Variants in USP54 observed in about 807,000 individuals in gnomAD.
USP54 encodes the protein ubiquitin carboxyl-terminal hydrolase 54.
In USP54, 87 loss-of-function variants were observed where a neutral mutation model predicts 170.5. That is an observed-to-expected ratio of 0.51 (90% CI 0.43 to 0.61). The LOEUF (loss-of-function observed/expected upper bound fraction) is 0.61. Ranked by LOEUF, USP54 falls within the 20% of genes least tolerant of loss-of-function variation. The pLI is 0.00. For missense variants in USP54, 1,786 were observed against 2,047.8 expected (o/e 0.87, Z 2.47); for synonymous variants, 655 against 742.8 (o/e 0.88, Z 1.92).
Position 73,539,687 on chromosome 10 carries a change from T to C in USP54, c.826-94A>G, listed in dbSNP as rs560428295. On this transcript the variant is annotated intron_variant, in intron 9 of 23. Transcript: ENST00000687698. ...CTCCACCAGCATTTCTTAAGTAAGG[T>C]ACTGACTTGCTTCTCTTCCCTTCAG... 12 of 1,338,798 alleles carry C rather than the reference T, an allele frequency of 9.0e-6. No individual in the cohort carries two copies. In the South Asian group the frequency reaches 2.0e-4, roughly 22 times the overall value. 82.9% of individuals were successfully genotyped at this position (1,338,798 alleles called of 1,614,324 possible).
At chr10:73,560,204 T>C (rs2072501709) in intron 4 of USP54, among the ~76,000 whole-genome samples, 1 of 152,090 alleles carries the variant, frequency 6.6e-6, no homozygotes, top group Non-Finnish European at 1.5e-5. Context: ...CAAGATAACA[T>C]GTAACTTAAC....
At chr10:73,621,368 G>A (rs1564971813) in intron 1 of USP54, among the ~76,000 whole-genome samples, 1 of 148,748 alleles carries the variant, frequency 6.7e-6, no homozygotes, top group Non-Finnish European at 1.5e-5. Flanking sequence ...TTGGGAGGCC[G>A]AGACGGGAAG....
chr10:73,520,176 T>C (rs2133312468), intron 18 of USP54, 184 bp from the exon 19 acceptor site: 8 of 815,312 alleles, frequency 9.8e-6, no homozygotes, highest in South Asian at 1.9e-5. Context: ...ATAAGGAACA[T>C]TGATGGAAGC....
intron 1 of USP54, among the ~76,000 whole-genome samples, chr10:73,617,018 CT>C (rs2080697837): frequency 6.6e-6 from 1 of 150,678 alleles, no homozygotes; most frequent in South Asian, 2.1e-4. Flanking sequence ...AGATGTTAGG[CT>C]GGGCACAGTG....
At chr10:73,624,174 ATATATATATATATATATATATG>A (rs1449212149) in intron 1 of USP54, among the ~76,000 whole-genome samples, 1 of 111,866 alleles carries the variant, frequency 8.9e-6, no homozygotes, top group Non-Finnish European at 1.9e-5. Context: ...ATATATATAT[ATATATATATATATATATATATG>A]TATTTTTTTT....
At position 73,534,658 on chromosome 10, in the gene USP54, C is replaced by T; in HGVS notation, c.1257G>A (p.Gln419=). 1.2e-6 allele frequency: 2 copies of T among 1,614,166 alleles called. No homozygotes were observed. The highest frequency in any genetic ancestry group is 1.7e-6 in the Non-Finnish European group (2 of 1,180,010). ...SVVSHFSSDS[Q]GTVIYNVEND... ...TTTCCACATTATAGATGACTGTCCC[C>T]TGAGAATCAGAAGAGAAGTGACTGA... The change falls in exon 12 of 24, where the codon CAG becomes CAA. Residue 419 remains glutamine, a synonymous_variant. Transcript: ENST00000687698.
rs2076008833 is a variant in USP54, at chr10:73,575,592, T to C, written c.67A>G (p.Ser23Gly). ...TTGCTGGGGGCTATGGAGGTTGAGC[T>C]TCGAGGTGCAAACATCCCTTGTACA... ...GSVQGMFAPR[S>G]STSIAPSKGL... The change falls in exon 3 of 24, where the codon AGC becomes GGC. Residue 23 changes from serine to glycine, a missense_variant. Ser to Gly is a moderately conservative substitution (Grantham distance 56). Coordinates refer to ENST00000687698, the MANE Select transcript of USP54 (RefSeq NM_001391956.1). The C allele has an allele frequency of 1.2e-6, 2 of 1,613,868 alleles. No homozygotes were observed. The highest frequency in any genetic ancestry group is 1.3e-5 in the African/African-American group (1 of 74,870).
intron 16 of USP54, 129 bp from the exon 17 acceptor site, chr10:73,523,879 AT>A (rs5786111): frequency 0.59 from 100,454 of 170,458 alleles, 31,692 homozygotes; most frequent in African/African-American, 0.77. Context: ...TTTATTTATT[AT>A]TTATTATTAT....
At chr10:73,543,645 C>T (rs757450374) in intron 5 of USP54, among the ~76,000 whole-genome samples, 2 of 152,026 alleles carry the variant, frequency 1.3e-5, no homozygotes, top group African/African-American at 4.8e-5. Context: ...GGATTACAGG[C>T]GTGAGCCACC....
intron 1 of USP54, among the ~76,000 whole-genome samples, chr10:73,588,499 C>T (rs1167360835): frequency 6.6e-6 from 1 of 152,268 alleles, no homozygotes; most frequent in African/African-American, 2.4e-5. Context: ...GCTGCGATTA[C>T]AGGCGTGAGC....
At chr10:73,589,134 C>T (rs1008225414) in intron 1 of USP54, among the ~76,000 whole-genome samples, 7 of 152,210 alleles carry the variant, frequency 4.6e-5, no homozygotes, top group Non-Finnish European at 7.3e-5. Flanking sequence ...TCAACAAATG[C>T]TCATTCCTTG....
At position 73,519,734 on chromosome 10, in the gene USP54, C is replaced by G. The variant is rs115046819; in HGVS notation, c.2678+63G>C. On this transcript the variant is annotated intron_variant, in intron 19 of 23. Transcript: ENST00000687698. ...GCCAAGACAATGAGAGCTCTTGCTA[C>G]AGAATACTCATGGTCATTTCTTCCC... The G allele has an allele frequency of 6.4e-4, 1,025 of 1,603,542 alleles. 9 individuals carry two copies. The African/African-American group carries it at 0.012, about 19-fold the overall frequency.
intron 1 of USP54, among the ~76,000 whole-genome samples, chr10:73,596,711 A>G (rs2078762902): frequency 9.8e-6 from 1 of 102,046 alleles, no homozygotes; most frequent in Admixed American, 1.4e-4. Context: ...ACAGAGTGAG[A>G]TCCTGTCTCA....
chr10:73,584,643 CT>C (rs1589304136), intron 1 of USP54, among the ~76,000 whole-genome samples: 2 of 151,708 alleles, frequency 1.3e-5, no homozygotes, highest in East Asian at 3.9e-4. Flanking sequence ...GATTTTTTTC[CT>C]TTTTTCTATT....
chr10:73,577,356 T>A (rs536425093), intron 1 of USP54, among the ~76,000 whole-genome samples: 6 of 152,340 alleles, frequency 3.9e-5, no homozygotes, highest in Admixed American at 6.5e-5. Flanking sequence ...TACAGGAATA[T>A]TAAATGGTTG....
At chr10:73,595,854 A>G (rs2078682441), upstream of USP54, among the ~76,000 whole-genome samples, 1 of 152,222 alleles carries the variant, frequency 6.6e-6, no homozygotes, top group African/African-American at 2.4e-5. Flanking sequence ...TCACGCCTGT[A>G]ATCCCAACAC....
chr10:73,529,725 G>C lies in USP54; in HGVS notation c.2015C>G (p.Pro672Arg). ...AGGCAGGGCTGCATCCAGGCTGACA[G>C]GGCTGCTGCTGTTCCTCTCACTGCT... The part of the protein sequence containing the change: ...YESSERNSSS[P>R]VSLDAALPES... Residue 672 changes from proline to arginine, a missense_variant, in exon 15 of 24, where the codon CCT (proline) becomes CGT (arginine). Transcript: ENST00000687698. 6.2e-7 allele frequency: 1 copy of C among 1,614,000 alleles called. No homozygotes were observed. The highest frequency in any genetic ancestry group is 8.5e-7 in the Non-Finnish European group (1 of 1,179,852).
At chr10:73,530,040 G>C (rs779580730) in intron 14 of USP54, 103 bp downstream of exon 14, 1 of 1,506,170 alleles carries the variant, frequency 6.6e-7, no homozygotes, top group Non-Finnish European at 8.9e-7. Flanking sequence ...CCCGACATCA[G>C]AGTAAAAGTG....
Position 73,500,832 on chromosome 10 carries a change from A to G in USP54, c.4318T>C (p.Ser1440Pro). The change falls in exon 23 of 24, where the codon TCA becomes CCA. Residue 1440 changes from serine (S) to proline (P), a missense_variant. Transcript: ENST00000687698. ...APVSSHSFDS[S>P]NVRKPLETGH... ...GTTTCCAAAGGCTTCCTCACGTTTG[A>G]TGAATCCTTATAATGAGACAAGACA... The G allele has an allele frequency of 6.2e-7, 1 of 1,600,244 alleles. No individual in the cohort carries two copies. The highest frequency in any genetic ancestry group is 8.5e-7 in the Non-Finnish European group (1 of 1,175,480).
Sources: gnomAD v4.1 joint callset for allele counts (sites outside exome capture counted in the v4.1 genomes callset) on GRCh38, gnomAD v4.1.1 for gene constraint, MANE v1.5 for transcripts, NCBI Gene and HGNC (gene_info 2026-07-23, HGNC 2026-07-21) for gene names.